Variants in BBS9 observed in about 807,000 individuals in gnomAD.
BBS9 encodes the protein Bardet-Biedl syndrome 9.
A neutral mutation model predicts 117.7 loss-of-function variants in BBS9; 89 were observed. The observed-to-expected ratio is 0.76, with a 90% CI of 0.64 to 0.90. The LOEUF (loss-of-function observed/expected upper bound fraction) is 0.90. BBS9 is among the 40% of genes least tolerant of loss of function. The pLI is 0.00. For missense variants in BBS9, 982 were observed against 1,042.2 expected (o/e 0.94, Z 0.80); for synonymous variants, 379 against 370.9 (o/e 1.02, Z -0.25).
At chr7:33,301,642 G>A (rs1806471363) in intron 9 of BBS9, among the ~76,000 whole-genome samples, 1 of 152,046 alleles carries the variant, frequency 6.6e-6, no homozygotes, top group Non-Finnish European at 1.5e-5. Context: ...ATTCTATTGT[G>A]TATAGGTACC....
chr7:33,426,809 C>T (rs1833725184), intron 19 of BBS9, among the ~76,000 whole-genome samples: 1 of 152,068 alleles, frequency 6.6e-6, no homozygotes, highest in Non-Finnish European at 1.5e-5. Flanking sequence ...GACAATTCTG[C>T]TGGGTGTCTT....
chr7:33,347,081 TGCAATCAAAGTGGCCTTGG>T (rs1817724634), intron 12 of BBS9, among the ~76,000 whole-genome samples: 1 of 152,184 alleles, frequency 6.6e-6, no homozygotes, highest in African/African-American at 2.4e-5. Flanking sequence ...TTCTGCCACT[TGCAATCAAAGTGGCCTTGG>T]GCAAATTACT....
intron 19 of BBS9, among the ~76,000 whole-genome samples, chr7:33,481,738 G>A (rs1355646708): frequency 6.6e-6 from 1 of 152,148 alleles, no homozygotes; most frequent in Non-Finnish European, 1.5e-5. Flanking sequence ...GTCTGTTTCT[G>A]TAACCTAGGG....
chr7:33,357,842 T>A lies in BBS9; in HGVS notation c.1553-13T>A. 1 of 1,609,068 alleles carries A rather than the reference T, an allele frequency of 6.2e-7. No individual in the cohort carries two copies. The highest frequency in any genetic ancestry group is 1.1e-5 in the South Asian group (1 of 90,990). On this transcript the variant is annotated splice_polypyrimidine_tract_variant and intron_variant, in intron 15 of 22. Coordinates refer to ENST00000242067, the MANE Select transcript of BBS9 (RefSeq NM_198428.3). ...TCAAGTCTATGAATCTACATATCTCTCTTTTATTTTAGGCATTCCGCGAGT... is the reference window on the plus strand; with the variant it reads ...TCAAGTCTATGAATCTACATATCTCACTTTTATTTTAGGCATTCCGCGAGT...
chr7:33,245,811 A>C (rs532307900), intron 5 of BBS9, among the ~76,000 whole-genome samples: 3 of 152,308 alleles, frequency 2.0e-5, no homozygotes, highest in Admixed American at 2.0e-4. Flanking sequence ...TAATGAAAAG[A>C]AAATAAACAT....
intron 19 of BBS9, among the ~76,000 whole-genome samples, chr7:33,499,320 A>T (rs985423658): frequency 1.3e-5 from 2 of 152,232 alleles, no homozygotes; most frequent in African/African-American, 4.8e-5. Context: ...AAATTGATGA[A>T]CACTGACATA....
At chr7:33,391,663 T>G (rs1827093282) in intron 19 of BBS9, among the ~76,000 whole-genome samples, 1 of 152,222 alleles carries the variant, frequency 6.6e-6, no homozygotes, top group African/African-American at 2.4e-5. Flanking sequence ...ATTTCTTTTT[T>G]ATGACTTGCG....
intron 10 of BBS9, among the ~76,000 whole-genome samples, chr7:33,339,115 A>C (rs1397803754): frequency 6.6e-6 from 1 of 152,192 alleles, no homozygotes; most frequent in Non-Finnish European, 1.5e-5. Flanking sequence ...TTTCTCTTGC[A>C]AAAGAAACCT....
rs186963280 is a variant in BBS9 at position 33,230,055 on chromosome 7, T to G, written c.443-27181T>G. Among the ~76,000 whole-genome samples, 364 of 152,314 alleles carry G rather than the reference T, an allele frequency of 2.4e-3. 2 individuals carry two copies. The highest frequency in any genetic ancestry group is 4.5e-3 in the Non-Finnish European group (305 of 68,018). ...TATACGTCTTGGCCATTTGTATGTC[T>G]TCTTTGGAGAAATGTCTATTTATGT... On this transcript the variant is annotated intron_variant, in intron 5 of 22. Coordinates refer to ENST00000242067, the MANE Select transcript of BBS9 (RefSeq NM_198428.3).
At chr7:33,525,187 A>C (rs1343681843) in intron 20 of BBS9, among the ~76,000 whole-genome samples, 1 of 151,978 alleles carries the variant, frequency 6.6e-6, no homozygotes, top group Non-Finnish European at 1.5e-5. Context: ...CAATTTTGGA[A>C]TAGGTGTGGT....
chr7:33,386,407 A>G (rs1221982380), intron 18 of BBS9, among the ~76,000 whole-genome samples: 1 of 151,904 alleles, frequency 6.6e-6, no homozygotes, highest in Non-Finnish European at 1.5e-5. Flanking sequence ...ACATGACCTA[A>G]TCTTATGAAG....
chr7:33,477,299 G>A (rs1242330879), intron 19 of BBS9, among the ~76,000 whole-genome samples: 3 of 152,094 alleles, frequency 2.0e-5, no homozygotes, highest in Non-Finnish European at 4.4e-5. Context: ...ATTGAGCCAG[G>A]CAGTCACTTT....
At chr7:33,578,593 C>T (rs1033132128) in intron 21 of BBS9, among the ~76,000 whole-genome samples, 1 of 152,162 alleles carries the variant, frequency 6.6e-6, no homozygotes, top group Non-Finnish European at 1.5e-5. Flanking sequence ...GAAAGATAAA[C>T]CAGAAGTTAC....
chr7:33,316,296 A>T (rs1008083510), intron 9 of BBS9, among the ~76,000 whole-genome samples: 2 of 152,126 alleles, frequency 1.3e-5, no homozygotes, highest in African/African-American at 2.4e-5. Context: ...TAACAGTGGC[A>T]ATTTATTTTT....
At chr7:33,231,428 C>CTTTGTTTTTTTTTTTTTTTTTTTT (rs1792370472) in intron 5 of BBS9, among the ~76,000 whole-genome samples, 1 of 106,386 alleles carries the variant, frequency 9.4e-6, no homozygotes, top group Non-Finnish European at 1.9e-5. Flanking sequence ...GCCTATGTGT[C>CTTTGTTTTTTTTTTTTTTTTTTTT]TTTTTTTTTT....
intron 17 of BBS9, among the ~76,000 whole-genome samples, chr7:33,379,524 T>C (rs1274371307): frequency 6.6e-6 from 1 of 152,200 alleles, no homozygotes. Context: ...TGAATTGAAT[T>C]TTCTTTGAAA....
chr7:33,153,125 TAAAG>T (rs1793606737), intron 3 of BBS9, among the ~76,000 whole-genome samples: 1 of 152,102 alleles, frequency 6.6e-6, no homozygotes, highest in Non-Finnish European at 1.5e-5. Flanking sequence ...AATAACCAAA[TAAAG>T]AAATAAATAA....
intron 19 of BBS9, among the ~76,000 whole-genome samples, chr7:33,443,831 T>A (rs1206999323): frequency 6.6e-6 from 1 of 152,158 alleles, no homozygotes; most frequent in Non-Finnish European, 1.5e-5. Context: ...TTTAAGGCAA[T>A]AAAGTGAATG....
intron 21 of BBS9, among the ~76,000 whole-genome samples, chr7:33,565,986 A>C (rs1258255350): frequency 6.7e-6 from 1 of 149,790 alleles, no homozygotes; most frequent in Non-Finnish European, 1.5e-5. Context: ...CTTATTTACT[A>C]TTGGGGAAAA....
Sources: allele counts gnomAD v4.1 joint callset (sites outside exome capture counted in the v4.1 genomes callset), GRCh38; gene constraint gnomAD v4.1.1; transcripts MANE v1.5; gene names NCBI Gene and HGNC (gene_info 2026-07-23, HGNC 2026-07-21).